Variants in AGBL1 observed in about 807,000 individuals in gnomAD.
AGBL1 encodes AGBL carboxypeptidase 1.
Under a neutral mutation model 118.9 loss-of-function variants are expected in AGBL1, and 130 were observed. The ratio of observed to expected loss-of-function variants is 1.09; its 90% CI spans 0.95 to 1.26. The LOEUF is 1.26. Among genes scored for constraint, AGBL1 ranks in the 50% most tolerant of loss-of-function variants. The probability of loss-of-function intolerance (pLI) is 0.00; values close to 1 mark genes in which losing one functional copy is unlikely to be tolerated. For missense variants in AGBL1, 1,584 were observed against 1,298.1 expected (o/e 1.22, Z -3.38); for synonymous variants, 555 against 478.9 (o/e 1.16, Z -2.08).
At chr15:86,740,936 C>T (rs565496486) in intron 22 of AGBL1, among the ~76,000 whole-genome samples, 1 of 152,240 alleles carries the variant, frequency 6.6e-6, no homozygotes. Flanking sequence ...AGAGGATACA[C>T]AGTTGACTAT....
intron 22 of AGBL1, among the ~76,000 whole-genome samples, chr15:86,906,536 C>A (rs547616941): frequency 6.6e-6 from 1 of 152,248 alleles, no homozygotes; most frequent in Non-Finnish European, 1.5e-5. Flanking sequence ...GAAGGAGAAC[C>A]GTGTAATATG....
At chr15:86,870,056 A>G (rs977385138) in intron 22 of AGBL1, among the ~76,000 whole-genome samples, 3 of 152,162 alleles carry the variant, frequency 2.0e-5, no homozygotes, top group African/African-American at 7.2e-5. Context: ...ACTTCTATTT[A>G]GACTGCAGGG....
Position 86,264,601 on chromosome 15 carries a change from G to A in AGBL1, c.1430G>A (p.Arg477Lys). The change falls in exon 11 of 23, where the codon AGG becomes AAG. Residue 477 changes from arginine to lysine, a missense_variant. By Grantham distance (26) the Arg-to-Lys change is conservative (BLOSUM62 2). Coordinates refer to ENST00000614907, the MANE Select transcript of AGBL1 (RefSeq NM_001386094.1). ...AWDVDAIFCP[R>K]MSASFSNSTR... ...GACGTAGATGCAATTTTCTGCCCAA[G>A]GATGAGTGCCTCCTTTTCTAATTCC... 2.5e-6 allele frequency: 4 copies of A among 1,613,852 alleles called. No individual in the cohort carries two copies. The highest frequency in any genetic ancestry group is 3.4e-6 in the Non-Finnish European group (4 of 1,179,818).
At chr15:86,686,955 T>A (rs1332160032) in intron 22 of AGBL1, among the ~76,000 whole-genome samples, 3 of 152,148 alleles carry the variant, frequency 2.0e-5, no homozygotes, top group Non-Finnish European at 4.4e-5. Flanking sequence ...AGTTAGACTC[T>A]AAGACCAGAA....
chr15:86,375,205 A>G (rs185890123), intron 17 of AGBL1, among the ~76,000 whole-genome samples: 2 of 152,302 alleles, frequency 1.3e-5, no homozygotes, highest in East Asian at 3.9e-4. Context: ...TAAGTAATTT[A>G]TAAAGAAAAG....
At chr15:86,421,476 A>C (rs888879350) in intron 18 of AGBL1, among the ~76,000 whole-genome samples, 1 of 152,198 alleles carries the variant, frequency 6.6e-6, no homozygotes, top group African/African-American at 2.4e-5. Flanking sequence ...GAAAGGAAAA[A>C]CCAGTACCAG....
intron 21 of AGBL1, among the ~76,000 whole-genome samples, chr15:86,661,292 C>T (rs2085534219): frequency 6.6e-6 from 1 of 152,056 alleles, no homozygotes; most frequent in South Asian, 2.1e-4. Context: ...CTGTACCAAA[C>T]GCTGTGCTAG....
Position 86,674,418 on chromosome 15 carries a change from TG to T in AGBL1, c.3142del (p.Asp1048ThrfsTer134), listed in dbSNP as rs1315478265. The T allele has an allele frequency of 6.2e-7, 1 of 1,609,058 alleles. No individual in the cohort carries two copies. Among genetic ancestry groups the T allele is most frequent in the Non-Finnish European group, 8.5e-7 (1 of 1,176,378 alleles). On this transcript the variant is annotated frameshift_variant, in exon 22 of 23. Transcript: ENST00000614907. LOFTEE classifies it low-confidence loss of function (END_TRUNC). The stretch of plus-strand genomic sequence containing the variant: ...CTGCTGAGTGCTGAGGAGGACGCTC[TG>T]GACCAGCACCTCCAACGGTAAGATG... Reference protein sequence around the residue: ...ATLLSAEEDALDQHLQRCSSS... With the variant: ...ATLLSAEEDAXDQHLQRCSSS...
chr15:86,847,559 C>T (rs1177815561), intron 22 of AGBL1, among the ~76,000 whole-genome samples: 1 of 152,120 alleles, frequency 6.6e-6, no homozygotes, highest in African/African-American at 2.4e-5. Context: ...TTTTTAAAGG[C>T]CACGCAGTTA....
At chr15:86,684,464 T>TC (rs955063977) in intron 22 of AGBL1, among the ~76,000 whole-genome samples, 1 of 2,246 alleles carries the variant, frequency 4.5e-4, no homozygotes, top group Non-Finnish European at 1.5e-3. Flanking sequence ...TAGTTCTCTC[T>TC]TTTTTTTTTT....
chr15:86,672,926 T>G lies in AGBL1; in HGVS notation c.2995-1347T>G, dbSNP rs561440771. On this transcript the variant is annotated intron_variant, in intron 21 of 22. Transcript: ENST00000614907. ...GAGGATTTTCTACCTTTTTAATGCT[T>G]TTAGCCAGGAATTCTTTTGTGAGGC... 2.6e-5 allele frequency among the ~76,000 whole-genome samples: 4 copies of G among 152,286 alleles called. No individual in the cohort carries two copies. The South Asian group carries it at 8.3e-4, about 32-fold the overall frequency.
intron 6 of AGBL1, among the ~76,000 whole-genome samples, chr15:86,230,715 C>G (rs2078442066): frequency 6.6e-6 from 1 of 152,162 alleles, no homozygotes; most frequent in African/African-American, 2.4e-5. Context: ...AAAATTCGTT[C>G]TTATTATTCA....
At chr15:86,238,863 C>G (rs553992137) in intron 6 of AGBL1, among the ~76,000 whole-genome samples, 31 of 151,940 alleles carry the variant, frequency 2.0e-4, no homozygotes, top group Non-Finnish European at 7.4e-5. Context: ...CTCTGTTGTC[C>G]AGGCTGGTCT....
At chr15:86,501,378 A>G (rs185050125) in intron 18 of AGBL1, among the ~76,000 whole-genome samples, 1 of 151,566 alleles carries the variant, frequency 6.6e-6, no homozygotes, top group African/African-American at 2.4e-5. Flanking sequence ...ATAAGAAAAT[A>G]TTTTCTCCCA....
chr15:86,311,885 A>G (rs544802131), intron 17 of AGBL1, among the ~76,000 whole-genome samples: 1 of 152,238 alleles, frequency 6.6e-6, no homozygotes, highest in Non-Finnish European at 1.5e-5. Context: ...GAACTTCTAA[A>G]TTGTAACTTA....
At chr15:86,212,723 C>T (rs1333961936) in intron 5 of AGBL1, among the ~76,000 whole-genome samples, 1 of 152,182 alleles carries the variant, frequency 6.6e-6, no homozygotes, top group Non-Finnish European at 1.5e-5. Flanking sequence ...GATCTTGGCA[C>T]ACTGCAACCT....
intron 21 of AGBL1, among the ~76,000 whole-genome samples, chr15:86,606,825 A>G (rs1053554324): frequency 3.9e-5 from 6 of 152,180 alleles, no homozygotes; most frequent in Admixed American, 2.0e-4. Context: ...ATTACTAACC[A>G]AAGTCCATAG....
chr15:86,813,994 C>T (rs939606859), intron 22 of AGBL1, among the ~76,000 whole-genome samples: 1 of 152,156 alleles, frequency 6.6e-6, no homozygotes, highest in African/African-American at 2.4e-5. Flanking sequence ...CCTGTCTCAT[C>T]TGCCAACTGC....
chr15:86,681,865 G>A (rs1388049910), intron 22 of AGBL1, among the ~76,000 whole-genome samples: 1 of 152,164 alleles, frequency 6.6e-6, no homozygotes, highest in Non-Finnish European at 1.5e-5. Context: ...AGTGAATGAA[G>A]ATGGAAAGTG....
Sources: gnomAD v4.1 joint callset for allele counts (sites outside exome capture counted in the v4.1 genomes callset) on GRCh38, gnomAD v4.1.1 for gene constraint, MANE v1.5 for transcripts, NCBI Gene and HGNC (gene_info 2026-07-23, HGNC 2026-07-21) for gene names.